SMARCAL1: variants seen among roughly 807,000 people sequenced by gnomAD.
SMARCAL1 encodes ATP-driven annealing helicase.
Under a neutral mutation model 94.5 loss-of-function variants are expected in SMARCAL1, and 58 were observed. The observed-to-expected ratio is 0.61, with a 90% CI of 0.50 to 0.76. The LOEUF is 0.76. Among genes scored for constraint, SMARCAL1 ranks in the 30% least tolerant of loss-of-function variants. The pLI, the probability that SMARCAL1 is intolerant of heterozygous loss-of-function variation, is 0.00. For missense variants in SMARCAL1, 1,051 were observed against 1,177.9 expected, an observed-to-expected ratio of 0.89 and a Z score of 1.58; for synonymous variants, 422 against 455.1, an observed-to-expected ratio of 0.93 and a Z score of 0.93.
At chr2:216,429,781 A>T (rs1415835972) in intron 7 of SMARCAL1, among the ~76,000 whole-genome samples, 1 of 152,016 alleles carries the variant, frequency 6.6e-6, no homozygotes, top group African/African-American at 2.4e-5. Flanking sequence ...AGTGCACTTT[A>T]TTATGTTACC....
At chr2:216,416,516 T>G (rs1172495032) in intron 4 of SMARCAL1, among the ~76,000 whole-genome samples, 1 of 152,230 alleles carries the variant, frequency 6.6e-6, no homozygotes, top group Non-Finnish European at 1.5e-5. Flanking sequence ...AAAGCTAGCA[T>G]TAAATGATGC....
chr2:216,468,137 C>A, intron 14 of SMARCAL1, 91 bp downstream of exon 14: 1 of 826,486 alleles, frequency 1.2e-6, no homozygotes, highest in Non-Finnish European at 2.1e-6. Context: ...CAAAGTGAGA[C>A]CGATGGCTTC....
Position 216,475,480 on chromosome 2 carries a change from C to A in SMARCAL1, c.2427+29C>A, listed in dbSNP as rs1269416309. 6.2e-7 allele frequency: 1 copy of A among 1,610,004 alleles called. No homozygotes were observed. The highest frequency in any genetic ancestry group is 2.2e-5 in the East Asian group (1 of 44,868). On this transcript the variant is annotated intron_variant, in intron 15 of 17. Coordinates refer to ENST00000357276, the MANE Select transcript of SMARCAL1 (RefSeq NM_014140.4). The surrounding 1 kb of genome is among the most constrained non-coding windows in gnomAD (Gnocchi z 4.4). ...AGAGACGCAGAAGACTCAGATACTC[C>A]CCAGGCATGCTCATGGCTGTGGGCA...
intron 11 of SMARCAL1, among the ~76,000 whole-genome samples, chr2:216,449,907 G>A (rs943159060): frequency 6.6e-6 from 1 of 151,542 alleles, no homozygotes; most frequent in Non-Finnish European, 1.5e-5. Context: ...ACACCATCTC[G>A]GCTCACTGCA....
intron 13 of SMARCAL1, 42 bp downstream of exon 13, chr2:216,464,709 CAA>C (rs34170201): frequency 1.4e-3 from 1,122 of 805,950 alleles, no homozygotes; most frequent in Non-Finnish European, 1.7e-3. Context: ...CTCTCATCTT[CAA>C]AAAAAAAAAA....
chr2:216,432,258 T>A (rs1445466992), intron 7 of SMARCAL1, among the ~76,000 whole-genome samples: 1 of 152,100 alleles, frequency 6.6e-6, no homozygotes, highest in African/African-American at 2.4e-5. Context: ...CCTCTCAAAG[T>A]GCTGGGATTA....
chr2:216,480,552 G>T (rs1559139737), intron 17 of SMARCAL1, among the ~76,000 whole-genome samples: 1 of 152,142 alleles, frequency 6.6e-6, no homozygotes, highest in East Asian at 1.9e-4. Flanking sequence ...AGGACATGTG[G>T]GTTATTTGGG....
Position 216,482,887 on chromosome 2 carries a change from C to T in SMARCAL1, c.2775C>T (p.Thr925=). The change falls in exon 18 of 18, where the codon ACC becomes ACT. Residue 925 remains threonine (T), a synonymous_variant. Coordinates refer to ENST00000357276, the MANE Select transcript of SMARCAL1 (RefSeq NM_014140.4). The surrounding 1 kb of genome is among the most constrained non-coding windows in gnomAD (Gnocchi z 4.3). ...SGSSSQNMGD[T]LDESSLTASP... ...GTAGTTCCCAGAACATGGGAGACAC[C>T]CTGGATGAAAGCTCATTGACAGCCA... is the stretch of plus-strand genomic sequence containing the variant. 1.9e-6 allele frequency: 3 copies of T among 1,613,986 alleles called. No individual in the cohort carries two copies. The highest frequency in any genetic ancestry group is 2.5e-6 in the Non-Finnish European group (3 of 1,180,006).
chr2:216,467,180 T>A (rs1306829570), intron 13 of SMARCAL1, among the ~76,000 whole-genome samples: 1 of 151,942 alleles, frequency 6.6e-6, no homozygotes, highest in Non-Finnish European at 1.5e-5. Context: ...AGATAAGAGG[T>A]GGGAAGCTTG....
At chr2:216,459,467 G>A (rs1246677185) in intron 12 of SMARCAL1, among the ~76,000 whole-genome samples, 4 of 152,132 alleles carry the variant, frequency 2.6e-5, no homozygotes, top group African/African-American at 4.8e-5. Flanking sequence ...AAACAGCATG[G>A]TACTGGTACC....
intron 10 of SMARCAL1, 142 bp from the exon 11 acceptor site, chr2:216,446,876 C>A: frequency 1.2e-6 from 1 of 859,160 alleles, no homozygotes; most frequent in Non-Finnish European, 1.9e-6. Flanking sequence ...TAACTGCTTG[C>A]ATTGGCAATG....
At chr2:216,442,371 C>T (rs1415291476) in intron 10 of SMARCAL1, among the ~76,000 whole-genome samples, 2 of 149,146 alleles carry the variant, frequency 1.3e-5, no homozygotes, top group Non-Finnish European at 3.0e-5. Context: ...GAGCGGAGAT[C>T]GCACCACTGC....
intron 12 of SMARCAL1, among the ~76,000 whole-genome samples, chr2:216,453,963 C>T (rs569962241): frequency 1.2e-4 from 19 of 152,154 alleles, no homozygotes; most frequent in African/African-American, 3.6e-4. Flanking sequence ...TAATGGATAT[C>T]GCTTCACAGG....
intron 4 of SMARCAL1, among the ~76,000 whole-genome samples, chr2:216,416,981 C>G (rs1693616659): frequency 6.6e-6 from 1 of 152,222 alleles, no homozygotes; most frequent in African/African-American, 2.4e-5. Flanking sequence ...ATGGAGCTTG[C>G]ACACCTGTGT....
intron 17 of SMARCAL1, among the ~76,000 whole-genome samples, chr2:216,479,804 C>T (rs564031442): frequency 2.4e-4 from 36 of 152,150 alleles, no homozygotes; most frequent in Non-Finnish European, 3.8e-4. Context: ...GCTCAAGCCT[C>T]TAATCCCACA....
At chr2:216,430,402 G>C (rs1354928455) in intron 7 of SMARCAL1, among the ~76,000 whole-genome samples, 1 of 152,202 alleles carries the variant, frequency 6.6e-6, no homozygotes, top group East Asian at 1.9e-4. Flanking sequence ...CTCTTCAGCA[G>C]GTGAATGAAT....
At chr2:216,461,321 A>G (rs1192918315) in intron 12 of SMARCAL1, among the ~76,000 whole-genome samples, 1 of 151,964 alleles carries the variant, frequency 6.6e-6, no homozygotes, top group Non-Finnish European at 1.5e-5. Context: ...TGGCATATAT[A>G]ATTTGAGTAT....
intron 12 of SMARCAL1, among the ~76,000 whole-genome samples, chr2:216,461,672 C>A (rs526870): frequency 0.72 from 109,646 of 151,896 alleles, 40,095 homozygotes; most frequent in African/African-American, 0.84. Context: ...TACAAAAAAT[C>A]CAAAAAAATT....
chr2:216,480,368 T>G (rs549713), intron 17 of SMARCAL1, among the ~76,000 whole-genome samples: 8,060 of 152,298 alleles, frequency 0.053, 445 homozygotes, highest in East Asian at 0.16. Flanking sequence ...TAATCTGATC[T>G]TGGAACTCGC....
Sources: gnomAD v4.1 joint callset for allele counts (sites outside exome capture counted in the v4.1 genomes callset) on GRCh38, gnomAD v4.1.1 for gene constraint, Gnocchi (gnomAD v3.1) non-coding constraint, MANE v1.5 for transcripts, NCBI Gene and HGNC (gene_info 2026-07-23, HGNC 2026-07-21) for gene names.